Variants in ALK observed in about 807,000 individuals in gnomAD.
ALK encodes ALK receptor tyrosine kinase.
ALK carries 74 observed loss-of-function variants against 163.1 expected under a neutral mutation model. The observed-to-expected ratio is 0.45, with a 90% CI of 0.38 to 0.55. ALK has a LOEUF of 0.55. Among genes scored for constraint, ALK ranks in the 20% least tolerant of loss-of-function variants. The probability of loss-of-function intolerance (pLI) is 0.00; values close to 1 mark genes in which losing one functional copy is unlikely to be tolerated. For synonymous variants in ALK, 960 were observed against 843.2 expected (o/e 1.14, Z -2.40); for missense variants, 2,063 against 2,105.3 (o/e 0.98, Z 0.39).
chr2:29,599,878 C>T (rs1176587570), intron 3 of ALK, among the ~76,000 whole-genome samples: 4 of 152,160 alleles, frequency 2.6e-5, no homozygotes, highest in Admixed American at 2.6e-4. Flanking sequence ...ACAAGACCAC[C>T]CTCATGAGGC....
intron 5 of ALK, among the ~76,000 whole-genome samples, chr2:29,333,109 T>G (rs1483834117): frequency 7.0e-6 from 1 of 143,880 alleles, no homozygotes; most frequent in African/African-American, 3.0e-5. Flanking sequence ...TGAAGTTGGG[T>G]TTTTTTGTTT....
chr2:29,623,405 G>C (rs1049159223), intron 3 of ALK, among the ~76,000 whole-genome samples: 19 of 152,154 alleles, frequency 1.2e-4, no homozygotes, highest in African/African-American at 4.3e-4. Flanking sequence ...ATGTGGAAAA[G>C]AATTATGATA....
chr2:29,588,022 A>G (rs1674937303), intron 3 of ALK, among the ~76,000 whole-genome samples: 1 of 152,052 alleles, frequency 6.6e-6, no homozygotes, highest in African/African-American at 2.4e-5. Flanking sequence ...AGTTTGGGCC[A>G]ACAGGAATTT....
At chr2:29,835,414 A>G (rs1173856151) in intron 1 of ALK, among the ~76,000 whole-genome samples, 1 of 152,180 alleles carries the variant, frequency 6.6e-6, no homozygotes, top group African/African-American at 2.4e-5. Flanking sequence ...AAGAGACAAG[A>G]AACGATGTGT....
chr2:29,691,929 G>A (rs568279699), intron 3 of ALK, among the ~76,000 whole-genome samples: 2 of 152,270 alleles, frequency 1.3e-5, no homozygotes, highest in East Asian at 1.9e-4. Context: ...TCACTGAACT[G>A]TAATCACAGT....
At chr2:29,810,786 C>T (rs1664738325) in intron 1 of ALK, among the ~76,000 whole-genome samples, 1 of 151,984 alleles carries the variant, frequency 6.6e-6, no homozygotes, top group South Asian at 2.1e-4. Context: ...AGCTTGAAGC[C>T]CTAATTCCCA....
In ALK at chr2:29,497,069, G is replaced by A. The variant is rs149065726; in HGVS notation, c.1154+34846C>T. ...GTTTATCACCTGAGGTGAGGAGTTC[G>A]AGACCAGCCTAGTCAACATGGTGAA... On this transcript the variant is annotated intron_variant, in intron 4 of 28. Transcript: ENST00000389048. Among the ~76,000 whole-genome samples, 181 of 152,220 alleles carry A rather than the reference G, an allele frequency of 1.2e-3. 1 individual carries two copies. The highest frequency in any genetic ancestry group is 4.0e-3 in the African/African-American group (165 of 41,534).
rs143848625 is a variant in ALK at position 29,491,187 on chromosome 2, T to C, written c.1154+40728A>G. ...ATTCCCATTTTATGGATCAGGAAAC[T>C]GAGGCTCAGAGAACTGAAGAAACAT... On this transcript the variant is annotated intron_variant, in intron 4 of 28. Transcript: ENST00000389048. 7.7e-3 allele frequency among the ~76,000 whole-genome samples: 1,170 copies of C among 152,280 alleles called. 11 individuals are homozygous for C. Among genetic ancestry groups the C allele is most frequent in the African/African-American group, 0.027 (1,102 of 41,566 alleles).
intron 5 of ALK, among the ~76,000 whole-genome samples, chr2:29,334,901 T>G (rs554644939): frequency 6.6e-6 from 1 of 152,314 alleles, no homozygotes. Flanking sequence ...GTTCTGTTTT[T>G]TATGGGGCCC....
intron 4 of ALK, among the ~76,000 whole-genome samples, chr2:29,434,519 T>A (rs948074576): frequency 6.6e-6 from 1 of 152,204 alleles, no homozygotes; most frequent in South Asian, 2.1e-4. Context: ...ACAGTGTACA[T>A]TACTTGGAAG....
At chr2:29,540,411 G>T (rs1403945524) in intron 3 of ALK, among the ~76,000 whole-genome samples, 1 of 151,986 alleles carries the variant, frequency 6.6e-6, no homozygotes, top group Non-Finnish European at 1.5e-5. Context: ...TTGTAAAAAA[G>T]TTCCAACAAA....
At chr2:29,373,799 G>T (rs1418501160) in intron 5 of ALK, among the ~76,000 whole-genome samples, 1 of 152,214 alleles carries the variant, frequency 6.6e-6, no homozygotes, top group Non-Finnish European at 1.5e-5. Flanking sequence ...GGGAGGCAGT[G>T]TGACAGGCAT....
intron 12 of ALK, 87 bp from the exon 13 acceptor site, chr2:29,239,917 G>A: frequency 6.7e-7 from 1 of 1,485,570 alleles, no homozygotes; most frequent in Non-Finnish European, 9.1e-7. Context: ...AGTGGGCTAA[G>A]CACATCGCCA....
chr2:29,193,936 AATT>A lies in ALK; in HGVS notation c.4165-17_4165-15del, dbSNP rs1232187566. On this transcript the variant is annotated splice_polypyrimidine_tract_variant and intron_variant, in intron 28 of 28. Coordinates refer to ENST00000389048, the MANE Select transcript of ALK (RefSeq NM_004304.5). ...TACATCCGGGTCCTGCCGTAGGGGA[AATT>A]ATTAAAACTTTGAATCAGAGACAAA... is the stretch of plus-strand genomic sequence containing the variant. The A allele has an allele frequency of 6.2e-7, 1 of 1,613,374 alleles. No homozygotes were observed. The highest frequency in any genetic ancestry group is 1.1e-5 in the South Asian group (1 of 91,032).
At chr2:29,639,850 G>A (rs1329951991) in intron 3 of ALK, among the ~76,000 whole-genome samples, 1 of 152,102 alleles carries the variant, frequency 6.6e-6, no homozygotes, top group East Asian at 1.9e-4. Flanking sequence ...CAGCATCTTC[G>A]ACAACATCCT....
chr2:29,323,601 A>G (rs1667142373), intron 6 of ALK, among the ~76,000 whole-genome samples: 1 of 152,196 alleles, frequency 6.6e-6, no homozygotes, highest in Non-Finnish European at 1.5e-5. Context: ...GGGAGGAAGG[A>G]GAGCTGAGGA....
chr2:29,209,979 T>C, intron 24 of ALK, 101 bp from the exon 25 acceptor site: 1 of 898,652 alleles, frequency 1.1e-6, no homozygotes, highest in Non-Finnish European at 1.8e-6. Flanking sequence ...TTTAAATAGT[T>C]CCTTCCCTTC....
rs538735525 is a variant in ALK, at chr2:29,846,472, G to A, written c.667+73521C>T. ...CTCCATGAGAACAAGACCTTGTCTA[G>A]GATGATCCTTGTCTAGAGCCTGGCA... is the stretch of plus-strand genomic sequence containing the variant. On this transcript the variant is annotated intron_variant, in intron 1 of 28. Coordinates refer to ENST00000389048, the MANE Select transcript of ALK (RefSeq NM_004304.5). 2.0e-5 allele frequency among the ~76,000 whole-genome samples: 3 copies of A among 152,332 alleles called. No individual in the cohort carries two copies. In the East Asian group the frequency reaches 5.8e-4, roughly 29 times the overall value.
chr2:29,617,782 T>A (rs1329810571), intron 3 of ALK, among the ~76,000 whole-genome samples: 1 of 152,186 alleles, frequency 6.6e-6, no homozygotes. Flanking sequence ...GAATGAAGTC[T>A]TCCTCGCCAT....
Sources: allele counts gnomAD v4.1 joint callset (sites outside exome capture counted in the v4.1 genomes callset), GRCh38; gene constraint gnomAD v4.1.1; transcripts MANE v1.5; gene names NCBI Gene and HGNC (gene_info 2026-07-23, HGNC 2026-07-21).